CENPC: variants seen among roughly 807,000 people sequenced by gnomAD.
CENPC encodes the protein centromere protein C, also known as CENP-C 1.
Under a neutral mutation model 112.1 loss-of-function variants are expected in CENPC, and 63 were observed. The ratio of observed to expected loss-of-function variants is 0.56; its 90% CI spans 0.46 to 0.69. The LOEUF (loss-of-function observed/expected upper bound fraction) is 0.69. CENPC is among the 30% of genes least tolerant of loss of function. The probability of loss-of-function intolerance (pLI) is 0.00; values close to 1 mark genes in which losing one functional copy is unlikely to be tolerated. For synonymous variants in CENPC, 333 were observed against 367.6 expected (o/e 0.91, Z 1.08); for missense variants, 1,000 against 1,103.8 (o/e 0.91, Z 1.33).
intron 12 of CENPC, among the ~76,000 whole-genome samples, chr4:67,497,536 T>C (rs1424614917): frequency 1.3e-5 from 2 of 152,128 alleles, no homozygotes; most frequent in East Asian, 3.9e-4. Flanking sequence ...TTTTGCTGTT[T>C]TGTTTTGGTT....
chr4:67,472,740 T>A, intron 18 of CENPC, 65 bp from the exon 19 acceptor site: 1 of 1,375,764 alleles, frequency 7.3e-7, no homozygotes, highest in Non-Finnish European at 9.5e-7. Context: ...TGATTAAGTA[T>A]GTAGTCATCA....
intron 9 of CENPC, among the ~76,000 whole-genome samples, chr4:67,511,471 A>G (rs768080723): frequency 1.3e-5 from 2 of 152,138 alleles, no homozygotes; most frequent in Non-Finnish European, 2.9e-5. Flanking sequence ...AATGTTTCAT[A>G]TTGTGCAGAA....
chr4:67,475,684 C>T lies in CENPC; in HGVS notation c.2671-706G>A, dbSNP rs56065624. Among the ~76,000 whole-genome samples the T allele has an allele frequency of 7.0e-3, 1,059 of 152,260 alleles. 11 individuals are homozygous for T. Among genetic ancestry groups the T allele is most frequent in the African/African-American group, 0.024 (1,017 of 41,538 alleles). ...GGCGATCTCGGCTCACTGCAAGCTC[C>T]GCCTCCAGGGTTCATGCCATTCTCC... is the stretch of plus-strand genomic sequence containing the variant. On this transcript the variant is annotated intron_variant, in intron 17 of 18. Coordinates refer to ENST00000273853, the MANE Select transcript of CENPC (RefSeq NM_001812.4).
chr4:67,474,652 C>T (rs1196166795), intron 18 of CENPC: 3 of 398,678 alleles, frequency 7.5e-6, no homozygotes, highest in African/African-American at 2.2e-5. Flanking sequence ...GAGCTGAGAT[C>T]GTGCCACTGC....
chr4:67,537,684 T>A (rs989243046), intron 4 of CENPC, among the ~76,000 whole-genome samples: 10 of 152,050 alleles, frequency 6.6e-5, no homozygotes, highest in African/African-American at 2.4e-4. Flanking sequence ...CCCCAGCTAC[T>A]TGGGGGACTG....
At position 67,493,927 on chromosome 4, in the gene CENPC, C is replaced by A; in HGVS notation, c.2247G>T (p.Glu749Asp). The A allele has an allele frequency of 6.2e-7, 1 of 1,613,030 alleles. No individual in the cohort carries two copies. Among genetic ancestry groups the A allele is most frequent in the Non-Finnish European group, 8.5e-7 (1 of 1,179,434 alleles). The change falls in exon 14 of 19, where the codon GAG (glutamate) becomes GAT (aspartate). Residue 749 changes from glutamate to aspartate, a missense_variant. By Grantham distance (45) the Glu-to-Asp change is conservative. Coordinates refer to ENST00000273853, the MANE Select transcript of CENPC (RefSeq NM_001812.4). ...AATCTATTCGCTCTCCTCGCCAGTA[C>A]TCCAAAGGTTTCAAACGTGTTCTCT... is the stretch of plus-strand genomic sequence containing the variant. ...RTKRTRLKPL[E>D]YWRGERIDYQ...
At chr4:67,518,504 C>A (rs355509) in intron 6 of CENPC, 136 bp from the exon 7 acceptor site, 1 of 898,416 alleles carries the variant, frequency 1.1e-6, no homozygotes, top group South Asian at 4.3e-5. Flanking sequence ...GACATAAATG[C>A]TGATTTGTGC....
rs192659889 is a variant in CENPC, at chr4:67,517,560, G to A, written c.830+596C>T. 3.6e-3 allele frequency among the ~76,000 whole-genome samples: 545 copies of A among 150,152 alleles called. 14 individuals carry two copies. Among genetic ancestry groups the A allele is most frequent in the African/African-American group, 0.013 (507 of 39,678 alleles). ...ATTTCTAAATACTGCATTGTCGGCC[G>A]GGTGCGGTGGCTCAAGCTTGTAATC... On this transcript the variant is annotated intron_variant, in intron 7 of 18. Coordinates refer to ENST00000273853, the MANE Select transcript of CENPC (RefSeq NM_001812.4).
chr4:67,523,109 T>TAACTTGATAACTTGATAACTTGAGCC (rs1726275431), intron 5 of CENPC, among the ~76,000 whole-genome samples: 1 of 151,992 alleles, frequency 6.6e-6, no homozygotes, highest in African/African-American at 2.4e-5. Flanking sequence ...GTCAGGACTT[T>TAACTTGATAACTTGATAACTTGAGCC]AAGACTGGCA....
intron 12 of CENPC, among the ~76,000 whole-genome samples, chr4:67,502,444 A>C (rs1725617848): frequency 6.6e-6 from 1 of 152,212 alleles, no homozygotes; most frequent in Non-Finnish European, 1.5e-5. Context: ...CACAATACTA[A>C]TATTAGACAA....
chr4:67,478,378 G>C (rs115393282), intron 17 of CENPC, among the ~76,000 whole-genome samples: 1,644 of 152,046 alleles, frequency 0.011, 34 homozygotes, highest in African/African-American at 0.037. Context: ...AAGCTAGATG[G>C]GACTGAGGTC....
chr4:67,510,055 T>C (rs940070868), intron 9 of CENPC, among the ~76,000 whole-genome samples: 5 of 152,140 alleles, frequency 3.3e-5, no homozygotes, highest in African/African-American at 1.2e-4. Flanking sequence ...AAAGCACTGG[T>C]TGTCCAAAGG....
At chr4:67,525,902 CAA>C (rs1222250269) in intron 5 of CENPC, among the ~76,000 whole-genome samples, 1 of 152,172 alleles carries the variant, frequency 6.6e-6, no homozygotes, top group African/African-American at 2.4e-5. Context: ...TTTACAATAG[CAA>C]AGACTTGGAA....
At chr4:67,505,036 T>C (rs1725695780) in intron 12 of CENPC, 169 bp downstream of exon 12, 1 of 571,792 alleles carries the variant, frequency 1.7e-6, no homozygotes, top group Non-Finnish European at 3.1e-6. Context: ...ACTCATTTTC[T>C]TTCTGTCTCA....
chr4:67,512,466 A>C lies in CENPC; in HGVS notation c.1548T>G (p.Thr516=). 6.2e-7 allele frequency: 1 copy of C among 1,601,186 alleles called. No individual in the cohort carries two copies. The highest frequency in any genetic ancestry group is 8.5e-7 in the Non-Finnish European group (1 of 1,173,884). ...NKLVPEEVTS[T]VTKSRRISRR... ...TGGAAATTCTTCGACTTTTCGTGAC[A>C]GTTGAAGTCACTTCTTCAGGTACAA... Residue 516 remains threonine (T), a synonymous_variant, in exon 9 of 19, where the codon ACT becomes ACG. Coordinates refer to ENST00000273853, the MANE Select transcript of CENPC (RefSeq NM_001812.4).
chr4:67,496,250 C>T (rs112508058), intron 12 of CENPC, among the ~76,000 whole-genome samples: 2 of 152,310 alleles, frequency 1.3e-5, no homozygotes, highest in African/African-American at 4.8e-5. Flanking sequence ...CTCGAATGTC[C>T]AACCCATTTG....
chr4:67,525,458 A>G (rs1345476557), intron 5 of CENPC, among the ~76,000 whole-genome samples: 1 of 152,194 alleles, frequency 6.6e-6, no homozygotes, highest in Non-Finnish European at 1.5e-5. Flanking sequence ...AAACTTAAAC[A>G]AATTTACAAG....
At chr4:67,501,977 A>AT (rs1725602283) in intron 12 of CENPC, among the ~76,000 whole-genome samples, 1 of 152,162 alleles carries the variant, frequency 6.6e-6, no homozygotes, top group African/African-American at 2.4e-5. Context: ...CAACTCCTAA[A>AT]TTTCAAAGAT....
intron 4 of CENPC, among the ~76,000 whole-genome samples, chr4:67,538,713 A>G (rs1726798799): frequency 6.6e-6 from 1 of 152,244 alleles, no homozygotes; most frequent in African/African-American, 2.4e-5. Flanking sequence ...TAAGAAAACC[A>G]GAGAAAGAAC....
Sources: gnomAD v4.1 joint callset for allele counts (sites outside exome capture counted in the v4.1 genomes callset) on GRCh38, gnomAD v4.1.1 for gene constraint, MANE v1.5 for transcripts, NCBI Gene and HGNC (gene_info 2026-07-23, HGNC 2026-07-21) for gene names.